Variants in ADCY8 observed in about 807,000 individuals in gnomAD.
ADCY8 encodes adenylate cyclase 8, also known as adenylate cyclase type 8.
A neutral mutation model predicts 119.7 loss-of-function variants in ADCY8; 51 were observed. The ratio of observed to expected loss-of-function variants is 0.43; its 90% CI spans 0.34 to 0.54. The LOEUF (loss-of-function observed/expected upper bound fraction) is 0.54. ADCY8 is among the 20% of genes least tolerant of loss of function. The pLI is 0.03. For missense variants in ADCY8, 1,383 were observed against 1,598.8 expected (o/e 0.87, Z 2.30); for synonymous variants, 665 against 651.0 (o/e 1.02, Z -0.33).
intron 5 of ADCY8, among the ~76,000 whole-genome samples, chr8:130,923,257 G>A (rs1325704733): frequency 6.6e-6 from 1 of 151,892 alleles, no homozygotes; most frequent in Non-Finnish European, 1.5e-5. Context: ...GTGACGAAGG[G>A]AAGGAAGGAA....
chr8:131,024,501 A>C (rs538622386), intron 1 of ADCY8, among the ~76,000 whole-genome samples: 1 of 152,330 alleles, frequency 6.6e-6, no homozygotes, highest in Non-Finnish European at 1.5e-5. Context: ...GTCGGGCTCC[A>C]GGTTGTGACT....
At chr8:130,792,066 T>C (rs370291540) in intron 15 of ADCY8, among the ~76,000 whole-genome samples, 2 of 152,238 alleles carry the variant, frequency 1.3e-5, no homozygotes, top group South Asian at 4.1e-4. Flanking sequence ...CCACTGAAAC[T>C]GCTCCTTTCC....
At chr8:130,879,701 G>GAAATAGTT (rs1818697122) in intron 8 of ADCY8, among the ~76,000 whole-genome samples, 1 of 152,244 alleles carries the variant, frequency 6.6e-6, no homozygotes, top group Admixed American at 6.5e-5. Context: ...TTAAAAGCCT[G>GAAATAGTT]AAATAGTTAA....
intron 7 of ADCY8, among the ~76,000 whole-genome samples, chr8:130,889,495 A>G (rs1819108675): frequency 6.6e-6 from 1 of 152,082 alleles, no homozygotes. Flanking sequence ...TATATGTTTC[A>G]TGGAATGCTA....
At chr8:130,974,081 T>C (rs1287044150) in intron 2 of ADCY8, among the ~76,000 whole-genome samples, 1 of 152,238 alleles carries the variant, frequency 6.6e-6, no homozygotes, top group Non-Finnish European at 1.5e-5. Context: ...AAGCTGTCTC[T>C]CTGTCTGTAG....
intron 3 of ADCY8, among the ~76,000 whole-genome samples, chr8:130,951,012 A>C (rs1821253744): frequency 6.6e-6 from 1 of 152,180 alleles, no homozygotes; most frequent in Non-Finnish European, 1.5e-5. Context: ...CATTTCTTTT[A>C]AATCAGTCAT....
intron 1 of ADCY8, among the ~76,000 whole-genome samples, chr8:131,029,069 A>G (rs759879146): frequency 7.2e-5 from 11 of 152,200 alleles, no homozygotes; most frequent in Non-Finnish European, 1.5e-4. Context: ...CGCTTGCATT[A>G]CCGCCTGAGC....
intron 3 of ADCY8, among the ~76,000 whole-genome samples, chr8:130,947,173 C>T (rs977339999): frequency 6.6e-6 from 1 of 152,170 alleles, no homozygotes; most frequent in African/African-American, 2.4e-5. Context: ...ACCTAATAGT[C>T]ACTCTTCAAA....
intron 9 of ADCY8, among the ~76,000 whole-genome samples, chr8:130,854,177 T>C (rs1385092223): frequency 6.6e-6 from 1 of 152,214 alleles, no homozygotes; most frequent in Non-Finnish European, 1.5e-5. Flanking sequence ...CATCAGATTG[T>C]ACATTTTATC....
chr8:130,800,837 G>A (rs1330364852), intron 14 of ADCY8, among the ~76,000 whole-genome samples: 1 of 152,222 alleles, frequency 6.6e-6, no homozygotes, highest in East Asian at 1.9e-4. Flanking sequence ...CAAGGTACTG[G>A]CAGATATGAT....
intron 4 of ADCY8, among the ~76,000 whole-genome samples, chr8:130,939,971 G>T (rs1045670783): frequency 6.6e-6 from 1 of 152,152 alleles, no homozygotes; most frequent in Non-Finnish European, 1.5e-5. Context: ...TGGGCTGGAT[G>T]TCACCCTCAC....
At chr8:130,822,002 T>C (rs1467091254) in intron 12 of ADCY8, among the ~76,000 whole-genome samples, 1 of 152,198 alleles carries the variant, frequency 6.6e-6, no homozygotes, top group Non-Finnish European at 1.5e-5. Context: ...TATGCTTCTA[T>C]AGACCCAGAG....
At position 131,040,046 on chromosome 8, in the gene ADCY8, C is replaced by G; in HGVS notation, c.288G>C (p.Pro96=). The G allele has an allele frequency of 1.3e-6, 2 of 1,547,102 alleles. No individual in the cohort carries two copies. Among genetic ancestry groups the G allele is most frequent in the South Asian group, 2.4e-5 (2 of 84,328 alleles). The part of the protein sequence containing the change: ...DSALPLYSLG[P]GERAHSTCGT... ...CGCAGGTGCTGTGCGCTCGCTCTCC[C>G]GGGCCCAGCGAGTAGAGGGGCAGCG... The change falls in exon 1 of 18, where the codon CCG becomes CCC. Residue 96 remains proline (P), a synonymous_variant. Transcript: ENST00000286355.
chr8:130,787,139 G>C (rs754165852), intron 15 of ADCY8, among the ~76,000 whole-genome samples: 6 of 152,122 alleles, frequency 3.9e-5, no homozygotes, highest in Non-Finnish European at 8.8e-5. Context: ...AAGACAATGG[G>C]TCTCTATGCT....
chr8:130,990,316 G>T, intron 2 of ADCY8, 77 bp downstream of exon 2: 1 of 1,529,050 alleles, frequency 6.5e-7, no homozygotes, highest in Non-Finnish European at 8.9e-7. Context: ...GACGTGTTTG[G>T]GAGTAAAACA....
At chr8:130,976,141 A>G (rs1431885023) in intron 2 of ADCY8, among the ~76,000 whole-genome samples, 1 of 152,204 alleles carries the variant, frequency 6.6e-6, no homozygotes, top group Admixed American at 6.5e-5. Flanking sequence ...GGATAGCAGT[A>G]GTGATTGATC....
chr8:130,987,873 GC>G (rs1822451572), intron 2 of ADCY8, among the ~76,000 whole-genome samples: 2 of 152,134 alleles, frequency 1.3e-5, no homozygotes, highest in African/African-American at 4.8e-5. Flanking sequence ...TTACAACTGA[GC>G]CAAGTCAATC....
At chr8:130,880,764 A>AT (rs890176557) in intron 8 of ADCY8, among the ~76,000 whole-genome samples, 77 of 152,274 alleles carry the variant, frequency 5.1e-4, no homozygotes, top group African/African-American at 1.8e-3. Context: ...ACACTGGGTG[A>AT]TTTTTTAGAG....
At position 130,952,183 on chromosome 8, in the gene ADCY8, T is replaced by C. The variant is rs73348521; in HGVS notation, c.1111-185A>G. Among the ~76,000 whole-genome samples the C allele has an allele frequency of 1.9e-3, 286 of 152,334 alleles. 1 individual carries two copies. Among genetic ancestry groups the C allele is most frequent in the African/African-American group, 6.8e-3 (284 of 41,570 alleles). ...TTATTTGCCAGGCACTCTGCTGGTG[T>C]TGGATATATAGTGGTGAACCAAATG... On this transcript the variant is annotated intron_variant, in intron 2 of 17. Coordinates refer to ENST00000286355, the MANE Select transcript of ADCY8 (RefSeq NM_001115.3).
Sources: allele counts gnomAD v4.1 joint callset (sites outside exome capture counted in the v4.1 genomes callset), GRCh38; gene constraint gnomAD v4.1.1; transcripts MANE v1.5; gene names NCBI Gene and HGNC (gene_info 2026-07-23, HGNC 2026-07-21).